Variants in MLLT3 observed in about 807,000 individuals in gnomAD.
MLLT3 encodes the protein MLLT3 super elongation complex subunit.
A neutral mutation model predicts 53.2 loss-of-function variants in MLLT3; 4 were observed. That is an observed-to-expected ratio of 0.08 (90% CI 0.04 to 0.17). The LOEUF (loss-of-function observed/expected upper bound fraction) is 0.17. Among genes scored for constraint, MLLT3 ranks in the 10% least tolerant of loss-of-function variants. The pLI, the probability that MLLT3 is intolerant of heterozygous loss-of-function variation, is 1.00. For missense variants in MLLT3, 569 were observed against 684.0 expected (o/e 0.83, Z 1.87); for synonymous variants, 283 against 230.6 (o/e 1.23, Z -2.06).
chr9:20,344,610 CTT>C lies in MLLT3; in HGVS notation c.*1831_*1832del, dbSNP rs1449116829. 2 of 210,472 alleles carry C rather than the reference CTT, an allele frequency of 9.5e-6. No individual in the cohort carries two copies. The highest frequency in any genetic ancestry group is 1.9e-5 in the Non-Finnish European group (2 of 103,560). 13.0% of individuals were successfully genotyped at this position (210,472 alleles called of 1,614,324 possible). On this transcript the variant is annotated 3_prime_UTR_variant, in exon 11 of 11. Transcript: ENST00000380338. ...ATCATAACATTATTGAGAAAGTACACTTGTCCTCTGGGAGGACGCTTCAGAGA... is the reference window on the plus strand; with the variant it reads ...ATCATAACATTATTGAGAAAGTACACGTCCTCTGGGAGGACGCTTCAGAGA...
intron 2 of MLLT3, among the ~76,000 whole-genome samples, chr9:20,529,863 G>C (rs1818288090): frequency 6.7e-6 from 1 of 150,192 alleles, no homozygotes; most frequent in African/African-American, 2.5e-5. Context: ...GCATCCCACT[G>C]TAATCCAATT....
intron 2 of MLLT3, among the ~76,000 whole-genome samples, chr9:20,528,082 T>C (rs950713248): frequency 6.6e-6 from 1 of 152,362 alleles, no homozygotes; most frequent in Non-Finnish European, 1.5e-5. Flanking sequence ...CAGCATTTGG[T>C]ACATGTTCAT....
At chr9:20,550,719 T>C (rs1271774908) in intron 2 of MLLT3, among the ~76,000 whole-genome samples, 1 of 152,158 alleles carries the variant, frequency 6.6e-6, no homozygotes, top group African/African-American at 2.4e-5. Context: ...TTTAATATGA[T>C]AAAGCTTGTT....
At chr9:20,577,060 C>T (rs550966075) in intron 2 of MLLT3, among the ~76,000 whole-genome samples, 1 of 152,286 alleles carries the variant, frequency 6.6e-6, no homozygotes, top group Middle Eastern at 3.4e-3. Context: ...AATCCTGCAA[C>T]ATTGTCCAAT....
At position 20,360,761 on chromosome 9, in the gene MLLT3, A is replaced by G; in HGVS notation, c.1412T>C (p.Leu471Pro). ...PLHHEPPPPL[L>P]KTNNNQILEV... The stretch of plus-strand genomic sequence containing the variant: ...ATTTACCTGGTTGTTGTTGGTTTTT[A>G]GTAAGGGTGGTGGAGGTTCGTGATG... Residue 471 changes from leucine (L) to proline (P), a missense_variant, in exon 8 of 11, where the codon CTA (leucine) becomes CCA (proline). Leu to Pro is a moderately conservative substitution (Grantham distance 98, BLOSUM62 -3). Around this residue, in one of 5 missense-constraint regions of MLLT3, gnomAD observed 437 missense variants for 376.5 expected, o/e 1.16. Transcript: ENST00000380338. The G allele has an allele frequency of 6.2e-7, 1 of 1,614,040 alleles. No individual in the cohort carries two copies.
chr9:20,365,325 T>A (rs1011829532), intron 6 of MLLT3, among the ~76,000 whole-genome samples: 1 of 144,664 alleles, frequency 6.9e-6, no homozygotes, highest in Non-Finnish European at 1.5e-5. Flanking sequence ...ATTAAGATGG[T>A]TTTTTTTTGT....
intron 2 of MLLT3, among the ~76,000 whole-genome samples, chr9:20,520,214 A>G (rs1294883587): frequency 6.6e-6 from 1 of 152,154 alleles, no homozygotes; most frequent in Admixed American, 6.5e-5. Context: ...GGAGAGTGAA[A>G]GGAGGGAGAG....
chr9:20,574,224 T>C (rs1819598997), intron 2 of MLLT3, among the ~76,000 whole-genome samples: 1 of 152,178 alleles, frequency 6.6e-6, no homozygotes, highest in African/African-American at 2.4e-5. Context: ...CACTGCTTTA[T>C]ACCAATAAAA....
At chr9:20,501,222 G>C (rs1825216654) in intron 2 of MLLT3, among the ~76,000 whole-genome samples, 1 of 152,202 alleles carries the variant, frequency 6.6e-6, no homozygotes, top group Middle Eastern at 3.4e-3. Context: ...TTTACTTTAA[G>C]ATTCTCTCAT....
intron 2 of MLLT3, among the ~76,000 whole-genome samples, chr9:20,486,640 A>G (rs995365273): frequency 6.6e-6 from 1 of 152,192 alleles, no homozygotes; most frequent in African/African-American, 2.4e-5. Context: ...CACTCCTACA[A>G]TGCAAATTGG....
intron 2 of MLLT3, among the ~76,000 whole-genome samples, chr9:20,489,549 G>A (rs1383320975): frequency 6.6e-6 from 1 of 152,172 alleles, no homozygotes; most frequent in Admixed American, 6.5e-5. Flanking sequence ...CTGCCACCCT[G>A]AAGACGTTAA....
chr9:20,482,822 A>G (rs1282161732), intron 2 of MLLT3, among the ~76,000 whole-genome samples: 3 of 152,192 alleles, frequency 2.0e-5, no homozygotes, highest in Admixed American at 6.5e-5. Context: ...TAGAGGGAAC[A>G]CCCACACCTC....
intron 2 of MLLT3, among the ~76,000 whole-genome samples, chr9:20,521,358 AC>A (rs1818052672): frequency 6.6e-6 from 1 of 152,192 alleles, no homozygotes; most frequent in African/African-American, 2.4e-5. Context: ...GGCATGAGCC[AC>A]TGCACCCAGC....
At chr9:20,376,159 C>T (rs546953009) in intron 5 of MLLT3, among the ~76,000 whole-genome samples, 13 of 152,084 alleles carry the variant, frequency 8.5e-5, no homozygotes, top group African/African-American at 2.7e-4. Flanking sequence ...AAGGTGGAAC[C>T]GGGGAAAGGA....
chr9:20,362,119 G>A (rs1443931598), intron 7 of MLLT3, among the ~76,000 whole-genome samples: 1 of 152,180 alleles, frequency 6.6e-6, no homozygotes, highest in Non-Finnish European at 1.5e-5. Flanking sequence ...GTGCAGTGAA[G>A]ATCAAATGTT....
At chr9:20,581,307 A>C (rs1587094615) in intron 2 of MLLT3, among the ~76,000 whole-genome samples, 3 of 152,320 alleles carry the variant, frequency 2.0e-5, no homozygotes, top group East Asian at 1.9e-4. Flanking sequence ...GAAATTACAT[A>C]AACAAAATTA....
At chr9:20,580,118 A>G (rs934442188) in intron 2 of MLLT3, among the ~76,000 whole-genome samples, 8 of 152,240 alleles carry the variant, frequency 5.3e-5, no homozygotes, top group Non-Finnish European at 1.0e-4. Context: ...CAAAAAGTCT[A>G]CTCATCTTAG....
chr9:20,472,005 T>C (rs1366233851), intron 2 of MLLT3, among the ~76,000 whole-genome samples: 1 of 152,068 alleles, frequency 6.6e-6, no homozygotes, highest in Non-Finnish European at 1.5e-5. Context: ...GTGAAATAAA[T>C]GACATAAATT....
intron 2 of MLLT3, among the ~76,000 whole-genome samples, chr9:20,507,014 C>G (rs188753524): frequency 1.3e-5 from 2 of 152,344 alleles, no homozygotes; most frequent in East Asian, 3.9e-4. Flanking sequence ...TCAACACTTA[C>G]TATTCAATTG....
Sources: gnomAD v4.1 joint callset for allele counts (sites outside exome capture counted in the v4.1 genomes callset) on GRCh38, gnomAD v4.1.1 for gene constraint, gnomAD v4.1.1 regional missense constraint, MANE v1.5 for transcripts, NCBI Gene and HGNC (gene_info 2026-07-23, HGNC 2026-07-21) for gene names.